Variants in SPATA6L observed in about 807,000 individuals in gnomAD.
The protein encoded by SPATA6L is spermatogenesis associated 6 like.
Under a neutral mutation model 49.2 loss-of-function variants are expected in SPATA6L, and 68 were observed. The observed-to-expected ratio is 1.38, with a 90% confidence interval of 1.14 to 1.69. The LOEUF is 1.69. Ranked by LOEUF, SPATA6L falls within the 40% of genes most tolerant of loss-of-function variation. The pLI is 0.00. For synonymous variants in SPATA6L, 198 were observed against 165.7 expected (o/e 1.19, Z -1.50); for missense variants, 668 against 464.3 (o/e 1.44, Z -4.03).
chr9:4,637,909 C>T (rs993547800), intron 3 of SPATA6L, among the ~76,000 whole-genome samples: 1 of 152,206 alleles, frequency 6.6e-6, no homozygotes, highest in African/African-American at 2.4e-5. Context: ...ACTAAATGTT[C>T]TCTGAAAGCT....
chr9:4,630,675 A>G (rs10815039), intron 4 of SPATA6L, among the ~76,000 whole-genome samples: 31,625 of 152,154 alleles, frequency 0.21, 4,719 homozygotes, highest in East Asian at 0.4. Flanking sequence ...TATACTCAAG[A>G]TGCTTCCAAA....
At chr9:4,648,832 C>T (rs1836112453) in intron 3 of SPATA6L, among the ~76,000 whole-genome samples, 1 of 152,130 alleles carries the variant, frequency 6.6e-6, no homozygotes. Flanking sequence ...TCCCTTCCCA[C>T]CCTTTCCCCC....
Position 4,662,352 on chromosome 9 carries a change from C to A in SPATA6L, c.40-316G>T, listed in dbSNP as rs1391002840. 3.4e-6 allele frequency: 5 copies of A among 1,484,112 alleles called. No homozygotes were observed. The African/African-American group carries it at 5.6e-5, about 17-fold the overall frequency. The allele number at this position is 1,484,112 out of a possible 1,614,324, so 91.9% of individuals were successfully genotyped here. ...AGCCTCTGTTTGGTCCGGCCAGGTCCCGGGATCCGGGCCGCCAGCTGCGAT... is the reference window on the plus strand; with the variant it reads ...AGCCTCTGTTTGGTCCGGCCAGGTCACGGGATCCGGGCCGCCAGCTGCGAT... On this transcript the variant is annotated intron_variant, in intron 1 of 11. Coordinates refer to ENST00000682582, the MANE Select transcript of SPATA6L (RefSeq NM_001353486.2). The surrounding 1 kb of genome is among the most constrained non-coding windows in gnomAD (Gnocchi z 4.9).
chr9:4,666,131 G>C, intron 1 of SPATA6L, 81 bp downstream of exon 1: 2 of 1,258,864 alleles, frequency 1.6e-6, no homozygotes, highest in East Asian at 2.3e-5. Context: ...TGGGGGATGT[G>C]GGGGAGGGTT....
At chr9:4,656,972 G>C (rs1170477027) in intron 2 of SPATA6L, among the ~76,000 whole-genome samples, 1 of 152,164 alleles carries the variant, frequency 6.6e-6, no homozygotes, top group Non-Finnish European at 1.5e-5. Flanking sequence ...GAAAGAAAGA[G>C]AGAAGAGTCT....
At chr9:4,664,560 C>T (rs1171729924) in intron 1 of SPATA6L, 3 of 167,062 alleles carry the variant, frequency 1.8e-5, no homozygotes, top group Non-Finnish European at 4.4e-5. Flanking sequence ...GTGGACTCTG[C>T]TCATTATTCT....
At chr9:4,597,300 AT>A (rs961649321), downstream of SPATA6L, among the ~76,000 whole-genome samples, 151 of 148,456 alleles carry the variant, frequency 1.0e-3, no homozygotes, top group African/African-American at 3.7e-3. Context: ...TTTTATATAT[AT>A]AAAAAAAGAA....
chr9:4,628,202 T>A (rs1397527846), intron 5 of SPATA6L: 1 of 186,880 alleles, frequency 5.4e-6, no homozygotes, highest in Non-Finnish European at 1.1e-5. Flanking sequence ...AACAACAGGG[T>A]GACTATAGTC....
rs1463552549 is a variant in SPATA6L at position 4,660,505 on chromosome 9, G to C, written c.177+1394C>G. Among the ~76,000 whole-genome samples, 4 of 152,162 alleles carry C rather than the reference G, an allele frequency of 2.6e-5. No homozygotes were observed. The East Asian group carries it at 7.7e-4, about 29-fold the overall frequency. On this transcript the variant is annotated intron_variant, in intron 2 of 11. Coordinates refer to ENST00000682582, the MANE Select transcript of SPATA6L (RefSeq NM_001353486.2). ...AGATACCATCTCACACAGTTAGAAT[G>C]GCGATCATTAAAAAGTCAGGAAACA...
intron 3 of SPATA6L, among the ~76,000 whole-genome samples, chr9:4,651,188 T>C (rs571157004): frequency 1.3e-5 from 2 of 152,178 alleles, no homozygotes; most frequent in Admixed American, 6.5e-5. Context: ...GTTGTTGTTG[T>C]ATGGATGGGG....
At chr9:4,629,461 G>A (rs967368859) in intron 4 of SPATA6L, among the ~76,000 whole-genome samples, 5 of 151,892 alleles carry the variant, frequency 3.3e-5, no homozygotes, top group African/African-American at 1.2e-4. Flanking sequence ...TAAGTAACAT[G>A]TCCATCTAGT....
intron 3 of SPATA6L, among the ~76,000 whole-genome samples, chr9:4,642,987 T>C (rs889578097): frequency 6.6e-6 from 1 of 152,182 alleles, no homozygotes; most frequent in Non-Finnish European, 1.5e-5. Flanking sequence ...AGATAGATCA[T>C]AAAATAGGAT....
chr9:4,609,802 T>C (rs534435836), intron 9 of SPATA6L, among the ~76,000 whole-genome samples: 7 of 151,274 alleles, frequency 4.6e-5, no homozygotes, highest in African/African-American at 9.8e-5. Flanking sequence ...CCAGGGCAAT[T>C]AGGCAGGAGA....
At chr9:4,643,666 T>C (rs1564272920) in intron 3 of SPATA6L, among the ~76,000 whole-genome samples, 1 of 152,074 alleles carries the variant, frequency 6.6e-6, no homozygotes, top group East Asian at 1.9e-4. Flanking sequence ...TATAGACCTA[T>C]AAAAAACACA....
At chr9:4,621,963 G>T (rs1829409037) in intron 7 of SPATA6L, among the ~76,000 whole-genome samples, 1 of 152,204 alleles carries the variant, frequency 6.6e-6, no homozygotes, top group Non-Finnish European at 1.5e-5. Context: ...GCTTCAGATA[G>T]AGTTGGCTTC....
At chr9:4,641,690 G>A (rs187700542) in intron 3 of SPATA6L, among the ~76,000 whole-genome samples, 14 of 152,290 alleles carry the variant, frequency 9.2e-5, no homozygotes, top group East Asian at 5.8e-4. Flanking sequence ...GGGTATGCGC[G>A]TGCATGTGTG....
At chr9:4,650,226 T>C (rs922597924) in intron 3 of SPATA6L, among the ~76,000 whole-genome samples, 3 of 152,214 alleles carry the variant, frequency 2.0e-5, no homozygotes, top group Non-Finnish European at 4.4e-5. Flanking sequence ...TTCTGACTTC[T>C]ACCCAGTATG....
At chr9:4,614,230 G>A (rs1333835206) in intron 9 of SPATA6L, among the ~76,000 whole-genome samples, 1 of 152,142 alleles carries the variant, frequency 6.6e-6, no homozygotes, top group Non-Finnish European at 1.5e-5. Context: ...GCTTGGCAGT[G>A]TTTCTCCCTC....
intron 3 of SPATA6L, among the ~76,000 whole-genome samples, chr9:4,638,765 C>CTTTTA (rs2130604300): frequency 7.3e-6 from 1 of 137,620 alleles, no homozygotes; most frequent in East Asian, 2.1e-4. Context: ...GTTAAGAACT[C>CTTTTA]TTTTCTTTTC....
Sources: allele counts gnomAD v4.1 joint callset (sites outside exome capture counted in the v4.1 genomes callset), GRCh38; gene constraint gnomAD v4.1.1; non-coding constraint Gnocchi (gnomAD v3.1); transcripts MANE v1.5; gene names NCBI Gene and HGNC (gene_info 2026-07-23, HGNC 2026-07-21).